The following RBFOX1 variants were observed in gnomAD, a reference collection of about 807,000 sequenced individuals.
The protein encoded by RBFOX1 is RNA binding protein fox-1 homolog 1.
RBFOX1 carries 8 observed loss-of-function variants against 57.7 expected under a neutral mutation model. The ratio of observed to expected loss-of-function variants is 0.14; its 90% CI spans 0.08 to 0.25. The LOEUF is 0.25. Among genes scored for constraint, RBFOX1 ranks in the 10% least tolerant of loss-of-function variants. RBFOX1 has a pLI of 1.00. For synonymous variants in RBFOX1, 326 were observed against 222.4 expected, an observed-to-expected ratio of 1.47 and a Z score of -4.15; for missense variants, 611 against 548.5, an observed-to-expected ratio of 1.11 and a Z score of -1.14.
chr16:5,874,275 G>A (rs1044606053), intron 4 of RBFOX1, among the ~76,000 whole-genome samples: 1 of 152,190 alleles, frequency 6.6e-6, no homozygotes, highest in Non-Finnish European at 1.5e-5. Flanking sequence ...AGGGATCAAT[G>A]GTCCTCTGGC....
chr16:5,292,261 C>G (rs529592463), intron 1 of RBFOX1, among the ~76,000 whole-genome samples: 1 of 152,330 alleles, frequency 6.6e-6, no homozygotes, highest in Non-Finnish European at 1.5e-5. Context: ...AGCTTGCTTT[C>G]ATTTGAAAGA....
rs568729593 is a variant in RBFOX1, at chr16:7,662,987, T to A, written c.891-1942T>A. Among the ~76,000 whole-genome samples the A allele has an allele frequency of 2.0e-5, 3 of 152,196 alleles. 1 individual carries two copies. In the South Asian group the frequency reaches 6.3e-4, roughly 32 times the overall value. On this transcript the variant is annotated intron_variant, in intron 12 of 15. Transcript: ENST00000550418. ...CTCTTGAATGGTCATGTCACTGCTT[T>A]TGGATGAGGATACTAGAATAAAGGG...
chr16:5,540,082 A>C, intron 2 of RBFOX1, among the ~76,000 whole-genome samples: 1 of 152,198 alleles, frequency 6.6e-6, no homozygotes, highest in East Asian at 1.9e-4. Flanking sequence ...GGTAAGAGAC[A>C]GTTAAGAATG....
At chr16:7,170,608 T>A (rs749004699) in intron 4 of RBFOX1, among the ~76,000 whole-genome samples, 2 of 152,212 alleles carry the variant, frequency 1.3e-5, no homozygotes, top group Admixed American at 1.3e-4. Flanking sequence ...ATCACCTGTT[T>A]AATTCTCACA....
chr16:6,801,157 C>G (rs2085341160), intron 3 of RBFOX1, among the ~76,000 whole-genome samples: 1 of 144,944 alleles, frequency 6.9e-6, no homozygotes, highest in Non-Finnish European at 1.5e-5. Flanking sequence ...ATGTTGATGT[C>G]TTGGAACACA....
chr16:6,948,057 G>A (rs955504864), intron 3 of RBFOX1, among the ~76,000 whole-genome samples: 4 of 152,138 alleles, frequency 2.6e-5, no homozygotes, highest in African/African-American at 9.7e-5. Flanking sequence ...GGGATTACAA[G>A]CATCAGCCAC....
At chr16:6,450,774 T>TATATAC (rs1288348422) in intron 2 of RBFOX1, among the ~76,000 whole-genome samples, 1 of 33,180 alleles carries the variant, frequency 3.0e-5, no homozygotes, top group Non-Finnish European at 4.9e-5. Flanking sequence ...TGTGTATATA[T>TATATAC]ATATATATAT....
intron 3 of RBFOX1, among the ~76,000 whole-genome samples, chr16:7,036,650 G>A (rs1182383365): frequency 1.3e-5 from 2 of 151,534 alleles, no homozygotes; most frequent in Non-Finnish European, 2.9e-5. Context: ...CCGAAATCGT[G>A]CCACTGCACT....
chr16:7,544,700 CCTTT>C (rs2083916898), intron 5 of RBFOX1, among the ~76,000 whole-genome samples: 1 of 152,156 alleles, frequency 6.6e-6, no homozygotes, highest in Admixed American at 6.5e-5. Context: ...TGAGAGATTA[CCTTT>C]CTTTTATTTT....
intron 2 of RBFOX1, among the ~76,000 whole-genome samples, chr16:6,344,841 C>T (rs1043408266): frequency 2.0e-5 from 3 of 151,640 alleles, no homozygotes; most frequent in African/African-American, 4.9e-5. Context: ...TAGGCATGTG[C>T]CACCATGCTC....
rs182724817 is a variant in RBFOX1, at chr16:7,694,371, C to A, written c.996-14685C>A. ...CCAATGTTTCACTCCCTATTTACTG[C>A]CTTTGGTGAGAATGAATGAATGAAA... On this transcript the variant is annotated intron_variant, in intron 14 of 15. Transcript: ENST00000550418. Among the ~76,000 whole-genome samples, 3 of 152,214 alleles carry A rather than the reference C, an allele frequency of 2.0e-5. No homozygotes were observed. In the East Asian group the frequency reaches 5.8e-4, roughly 29 times the overall value.
intron 4 of RBFOX1, among the ~76,000 whole-genome samples, chr16:5,896,352 CT>C (rs1189959085): frequency 2.0e-5 from 3 of 152,180 alleles, no homozygotes; most frequent in African/African-American, 7.2e-5. Flanking sequence ...TATTAATCCC[CT>C]CCCTGTGGGG....
intron 7 of RBFOX1, among the ~76,000 whole-genome samples, chr16:7,592,123 C>T (rs1245729087): frequency 6.6e-6 from 1 of 152,086 alleles, no homozygotes; most frequent in Non-Finnish European, 1.5e-5. Context: ...CCGTCTGGAG[C>T]ACATTCTTTC....
At chr16:6,819,693 G>A (rs1447628278) in intron 3 of RBFOX1, among the ~76,000 whole-genome samples, 1 of 56,220 alleles carries the variant, frequency 1.8e-5, no homozygotes, top group Non-Finnish European at 3.1e-5. Context: ...CAACAAGAGT[G>A]AAACTCTGAC....
chr16:7,231,574 G>C (rs1004933675), intron 4 of RBFOX1, among the ~76,000 whole-genome samples: 1 of 152,156 alleles, frequency 6.6e-6, no homozygotes, highest in African/African-American at 2.4e-5. Context: ...AGATTCACTT[G>C]AATCCACATA....
At chr16:6,646,038 C>CCTT in intron 2 of RBFOX1, among the ~76,000 whole-genome samples, 1 of 152,180 alleles carries the variant, frequency 6.6e-6, no homozygotes, top group African/African-American at 2.4e-5. Flanking sequence ...AGAAGGGCTG[C>CCTT]CTTCTGTCGG....
chr16:5,940,062 A>C (rs186741481), intron 4 of RBFOX1, among the ~76,000 whole-genome samples: 65 of 152,246 alleles, frequency 4.3e-4, no homozygotes, highest in Admixed American at 2.7e-3. Context: ...GTGCTAGGTA[A>C]ATTTAAATTT....
chr16:6,785,979 C>T (rs890861489), intron 3 of RBFOX1, among the ~76,000 whole-genome samples: 1 of 152,180 alleles, frequency 6.6e-6, no homozygotes, highest in African/African-American at 2.4e-5. Flanking sequence ...ACAGACCATC[C>T]TTCCAAATAG....
chr16:7,116,787 G>T (rs1045503146), intron 4 of RBFOX1, among the ~76,000 whole-genome samples: 24 of 152,132 alleles, frequency 1.6e-4, no homozygotes, highest in African/African-American at 5.6e-4. Context: ...CTTGATGCCA[G>T]GCATGGTGCT....
Sources: gnomAD v4.1 joint callset for allele counts (sites outside exome capture counted in the v4.1 genomes callset) on GRCh38, gnomAD v4.1.1 for gene constraint, MANE v1.5 for transcripts, NCBI Gene and HGNC (gene_info 2026-07-23, HGNC 2026-07-21) for gene names.